CAMTA1: variants seen among roughly 807,000 people sequenced by gnomAD.
The protein encoded by CAMTA1 is calmodulin binding transcription activator 1.
Under a neutral mutation model 170.9 loss-of-function variants are expected in CAMTA1, and 27 were observed. The ratio of observed to expected loss-of-function variants is 0.16; its 90% CI spans 0.12 to 0.22. The LOEUF (loss-of-function observed/expected upper bound fraction) is 0.22. Ranked by LOEUF, CAMTA1 falls within the 10% of genes least tolerant of loss-of-function variation. The probability of loss-of-function intolerance (pLI) is 1.00; values close to 1 mark genes in which losing one functional copy is unlikely to be tolerated. For synonymous variants in CAMTA1, 833 were observed against 891.5 expected (o/e 0.93, Z 1.17); for missense variants, 1,619 against 2,217.2 (o/e 0.73, Z 5.42).
intron 3 of CAMTA1, among the ~76,000 whole-genome samples, chr1:6,840,323 C>T (rs918842838): frequency 3.9e-5 from 6 of 152,126 alleles, no homozygotes; most frequent in Non-Finnish European, 8.8e-5. Flanking sequence ...TACTGTGTGG[C>T]AGTCAGGGGA....
At chr1:7,453,112 C>G (rs755855618) in intron 5 of CAMTA1, among the ~76,000 whole-genome samples, 7 of 152,236 alleles carry the variant, frequency 4.6e-5, no homozygotes, top group Non-Finnish European at 7.4e-5. Context: ...CTAGGGGAAG[C>G]TTTGGAGAGT....
intron 6 of CAMTA1, among the ~76,000 whole-genome samples, chr1:7,506,522 A>G (rs1575694087): frequency 6.6e-6 from 1 of 151,802 alleles, no homozygotes; most frequent in Non-Finnish European, 1.5e-5. Context: ...TCACACTAAC[A>G]TCTCATACTC....
At chr1:7,507,514 G>A (rs1557838967) in intron 6 of CAMTA1, among the ~76,000 whole-genome samples, 1 of 152,186 alleles carries the variant, frequency 6.6e-6, no homozygotes. Flanking sequence ...TTCCCAGGAG[G>A]GCAAACAGGC....
At chr1:7,726,050 C>G (rs182445633) in intron 11 of CAMTA1, among the ~76,000 whole-genome samples, 9 of 152,360 alleles carry the variant, frequency 5.9e-5, no homozygotes, top group African/African-American at 1.4e-4. Context: ...CTGAGACTCA[C>G]ACCCAGAGGT....
chr1:7,123,274 C>T (rs1304909632), intron 4 of CAMTA1, among the ~76,000 whole-genome samples: 1 of 152,154 alleles, frequency 6.6e-6, no homozygotes, highest in African/African-American at 2.4e-5. Flanking sequence ...CTGTCGGTGG[C>T]TGTCTCTTTC....
intron 7 of CAMTA1, among the ~76,000 whole-genome samples, chr1:7,646,068 CTGGTGAATTGGGTGGAGGCCA>C (rs1420389687): frequency 6.6e-6 from 1 of 151,044 alleles, no homozygotes; most frequent in African/African-American, 2.4e-5. Flanking sequence ...GGTGGGGGCC[CTGGTGAATTGGGTGGAGGCCA>C]TGGTGAGTTG....
chr1:7,366,322 G>A (rs1011330376), intron 5 of CAMTA1, among the ~76,000 whole-genome samples: 1 of 152,108 alleles, frequency 6.6e-6, no homozygotes, highest in South Asian at 2.1e-4. Context: ...TTGCCTGGCC[G>A]CACTGAGCTC....
intron 4 of CAMTA1, among the ~76,000 whole-genome samples, chr1:7,100,459 T>G (rs147307980): frequency 3.9e-5 from 6 of 152,320 alleles, no homozygotes; most frequent in Non-Finnish European, 7.4e-5. Flanking sequence ...CTCTCTCCTC[T>G]TCGTTTCCTG....
chr1:7,065,353 C>T lies in CAMTA1; in HGVS notation c.235-25951C>T, dbSNP rs3923058. The stretch of plus-strand genomic sequence containing the variant: ...CTGAGAAGCTGAGATAAGAGAATGG[C>T]GTCATTGGATTTGGTGACCTAGAGG... On this transcript the variant is annotated intron_variant, in intron 3 of 22. Transcript: ENST00000303635. This position sits in a 1 kb window ranked among gnomAD's most constrained non-coding sequence, Gnocchi z 5.2. Among the ~76,000 whole-genome samples the T allele has an allele frequency of 0.18, 26,845 of 151,924 alleles. 3,474 individuals carry two copies. Among genetic ancestry groups the T allele is most frequent in the African/African-American group, 0.37 (15,350 of 41,390 alleles).
chr1:7,038,126 T>C (rs1703911206), intron 3 of CAMTA1, among the ~76,000 whole-genome samples: 1 of 152,130 alleles, frequency 6.6e-6, no homozygotes, highest in African/African-American at 2.4e-5. Context: ...CTTACAGGAG[T>C]GTCTGCACAG....
rs1273493287 is a variant in CAMTA1, at chr1:7,585,982, G to A, written c.511-54418G>A. Among the ~76,000 whole-genome samples, 1 of 152,110 alleles carries A rather than the reference G, an allele frequency of 6.6e-6. No homozygotes were observed. The highest frequency in any genetic ancestry group is 1.5e-5 in the Non-Finnish European group (1 of 68,034). On this transcript the variant is annotated intron_variant, in intron 6 of 22. Transcript: ENST00000303635. This position sits in a 1 kb window ranked among gnomAD's most constrained non-coding sequence, Gnocchi z 4.8. The stretch of plus-strand genomic sequence containing the variant: ...CTCCTCACATGCACTCACAGGGCAG[G>A]GACAAGTTTGCGGTAGAAATCCCCA...
chr1:7,320,779 T>C (rs928938315), intron 5 of CAMTA1, among the ~76,000 whole-genome samples: 2 of 150,814 alleles, frequency 1.3e-5, no homozygotes, highest in Non-Finnish European at 3.0e-5. Flanking sequence ...CTGTACCAAC[T>C]GTCAAGAAGG....
intron 5 of CAMTA1, among the ~76,000 whole-genome samples, chr1:7,316,869 G>C (rs1454086522): frequency 1.3e-5 from 2 of 152,162 alleles, no homozygotes; most frequent in African/African-American, 2.4e-5. Flanking sequence ...TTGAGGGTGA[G>C]TTAGGATTCC....
At chr1:7,538,929 G>A (rs537685219) in intron 6 of CAMTA1, among the ~76,000 whole-genome samples, 11 of 152,240 alleles carry the variant, frequency 7.2e-5, no homozygotes, top group African/African-American at 2.4e-4. Context: ...GTACCCAAGC[G>A]CTGAACTACT....
At position 7,570,188 on chromosome 1, in the gene CAMTA1, C is replaced by T. The variant is rs1234583852; in HGVS notation, c.511-70212C>T. On this transcript the variant is annotated intron_variant, in intron 6 of 22. Coordinates refer to ENST00000303635, the MANE Select transcript of CAMTA1 (RefSeq NM_015215.4). This position sits in a 1 kb window ranked among gnomAD's most constrained non-coding sequence, Gnocchi z 4.3. Reference sequence around the variant, plus strand: ...CCAAAACTCCCTGCAGGACTGGTTGCCCCTCACGCCACCTCCTTCCTGTGA... The same window carrying T: ...CCAAAACTCCCTGCAGGACTGGTTGTCCCTCACGCCACCTCCTTCCTGTGA... 6.6e-6 allele frequency among the ~76,000 whole-genome samples: 1 copy of T among 152,190 alleles called. No individual in the cohort carries two copies. The highest frequency in any genetic ancestry group is 1.5e-5 in the Non-Finnish European group (1 of 68,026).
intron 4 of CAMTA1, among the ~76,000 whole-genome samples, chr1:7,137,534 C>T (rs1383571408): frequency 1.3e-5 from 2 of 152,122 alleles, no homozygotes; most frequent in African/African-American, 4.8e-5. Flanking sequence ...CTGGTGCTAC[C>T]CAGAGATTCT....
chr1:7,090,294 A>G (rs1278771947), intron 3 of CAMTA1, among the ~76,000 whole-genome samples: 1 of 152,206 alleles, frequency 6.6e-6, no homozygotes, highest in African/African-American at 2.4e-5. Context: ...TCCCAGCTGA[A>G]AGAGGCTGCT....
At chr1:6,858,795 A>G (rs934688817) in intron 3 of CAMTA1, among the ~76,000 whole-genome samples, 4 of 152,230 alleles carry the variant, frequency 2.6e-5, no homozygotes, top group African/African-American at 9.6e-5. Flanking sequence ...TAACTTTGCC[A>G]TAACTCAGGA....
chr1:7,435,602 GA>G lies in CAMTA1; in HGVS notation c.439-32225del, dbSNP rs2092321304. Among the ~76,000 whole-genome samples the G allele has an allele frequency of 6.6e-6, 1 of 152,218 alleles. No homozygotes were observed. Among genetic ancestry groups the G allele is most frequent in the Non-Finnish European group, 1.5e-5 (1 of 68,028 alleles). On this transcript the variant is annotated intron_variant, in intron 5 of 22. Transcript: ENST00000303635. This position sits in a 1 kb window ranked among gnomAD's most constrained non-coding sequence, Gnocchi z 4.4. The stretch of plus-strand genomic sequence containing the variant: ...GTGGAGCGCAGTCCCCATGCTTGGG[GA>G]AAGTCCCCCAGCTTTGGCGGAATCA...
Sources: gnomAD v4.1 joint callset for allele counts (sites outside exome capture counted in the v4.1 genomes callset) on GRCh38, gnomAD v4.1.1 for gene constraint, Gnocchi (gnomAD v3.1) non-coding constraint, MANE v1.5 for transcripts, NCBI Gene and HGNC (gene_info 2026-07-23, HGNC 2026-07-21) for gene names.